The following ELMOD2 variants were observed in gnomAD, a reference collection of about 807,000 sequenced individuals.
ELMOD2 encodes the protein ELMO domain-containing protein 2.
A neutral mutation model predicts 41.0 loss-of-function variants in ELMOD2; 28 were observed. The observed-to-expected ratio is 0.68, with a 90% CI of 0.51 to 0.94. The LOEUF is 0.94. Among genes scored for constraint, ELMOD2 ranks in the 40% least tolerant of loss-of-function variants. The pLI is 0.00. For missense variants in ELMOD2, 333 were observed against 343.1 expected (o/e 0.97, Z 0.23); for synonymous variants, 106 against 107.2 (o/e 0.99, Z 0.07).
At chr4:140,533,948 A>G (rs1214745300) in intron 3 of ELMOD2, among the ~76,000 whole-genome samples, 2 of 152,116 alleles carry the variant, frequency 1.3e-5, no homozygotes, top group Non-Finnish European at 2.9e-5. Flanking sequence ...ACCTAAATGA[A>G]ATAGACGAAC....
chr4:140,526,605 A>G (rs946427685), intron 2 of ELMOD2: 6 of 152,312 alleles, frequency 3.9e-5, no homozygotes, highest in African/African-American at 1.4e-4. Flanking sequence ...TGGCAAATGG[A>G]ACCTGTATCC....
chr4:140,546,892 A>G (rs1735308051), intron 8 of ELMOD2, among the ~76,000 whole-genome samples: 1 of 152,148 alleles, frequency 6.6e-6, no homozygotes, highest in Non-Finnish European at 1.5e-5. Context: ...AGCTCAATCT[A>G]TAAGAGCTGT....
chr4:140,536,430 A>AGGAG (rs1734929387), intron 4 of ELMOD2, among the ~76,000 whole-genome samples: 1 of 152,216 alleles, frequency 6.6e-6, no homozygotes, highest in Non-Finnish European at 1.5e-5. Flanking sequence ...GGAACGGTCT[A>AGGAG]GGAGGGAACT....
chr4:140,537,586 A>T (rs745451353), intron 5 of ELMOD2, 45 bp downstream of exon 5: 1 of 1,586,832 alleles, frequency 6.3e-7, no homozygotes, highest in African/African-American at 1.4e-5. Context: ...ACGCTAGAAA[A>T]ATAAATCAGG....
intron 3 of ELMOD2, among the ~76,000 whole-genome samples, chr4:140,529,193 T>C (rs1560823805): frequency 6.6e-6 from 1 of 152,202 alleles, no homozygotes; most frequent in African/African-American, 2.4e-5. Context: ...CCGTTCCTGC[T>C]GGTGAGGGCA....
chr4:140,546,338 G>T (rs538540047), intron 8 of ELMOD2, among the ~76,000 whole-genome samples: 5 of 152,112 alleles, frequency 3.3e-5, no homozygotes, highest in Non-Finnish European at 5.9e-5. Context: ...GCCTGTTGTG[G>T]GGTTGGGGGA....
At chr4:140,546,760 T>C (rs1200243831) in intron 8 of ELMOD2, among the ~76,000 whole-genome samples, 2 of 152,104 alleles carry the variant, frequency 1.3e-5, no homozygotes, top group African/African-American at 4.8e-5. Context: ...TGAGGATCTG[T>C]GGGAACTGTT....
rs1735522199 is a variant in ELMOD2, at chr4:140,553,460, A to T, written c.*3085A>T. 1 of 152,170 alleles carries T rather than the reference A, an allele frequency of 6.6e-6. No individual in the cohort carries two copies. Among genetic ancestry groups the T allele is most frequent in the South Asian group, 2.1e-4 (1 of 4,834 alleles). The allele number at this position is 152,170 out of a possible 1,614,324, so 9.4% of individuals were successfully genotyped here. ...TTAATGAAGGTTAGTGGAATTGTTA[A>T]AAATCTGAGAGGAATGATGACTGGA... On this transcript the variant is annotated 3_prime_UTR_variant, in exon 9 of 9. Coordinates refer to ENST00000323570, the MANE Select transcript of ELMOD2 (RefSeq NM_153702.4).
At chr4:140,546,098 A>C (rs548005042) in intron 8 of ELMOD2, among the ~76,000 whole-genome samples, 1 of 152,310 alleles carries the variant, frequency 6.6e-6, no homozygotes, top group East Asian at 1.9e-4. Flanking sequence ...AATGTCCAAC[A>C]ATGATAGACT....
In ELMOD2 at chr4:140,537,401, A is replaced by G; in HGVS notation, c.270-11A>G. The G allele has an allele frequency of 1.3e-6, 2 of 1,488,566 alleles. No individual in the cohort carries two copies. The highest frequency in any genetic ancestry group is 1.4e-5 in the South Asian group (1 of 70,758). 92.2% of individuals were successfully genotyped at this position (1,488,566 alleles called of 1,614,324 possible). ...GGGTATGCTTTTTAAAAATAATTTTATCATTTTTAGTTTTAAAATATGCAT... is the reference window on the plus strand; with the variant it reads ...GGGTATGCTTTTTAAAAATAATTTTGTCATTTTTAGTTTTAAAATATGCAT... On this transcript the variant is annotated splice_polypyrimidine_tract_variant and intron_variant, in intron 4 of 8. Coordinates refer to ENST00000323570, the MANE Select transcript of ELMOD2 (RefSeq NM_153702.4).
chr4:140,538,733 T>TA (rs1452267495), intron 5 of ELMOD2, among the ~76,000 whole-genome samples: 1 of 152,220 alleles, frequency 6.6e-6, no homozygotes, highest in Non-Finnish European at 1.5e-5. Context: ...TCAGCAGTCT[T>TA]ACTGGGTGAA....
At chr4:140,533,827 CGTGT>C (rs143456040) in intron 3 of ELMOD2, among the ~76,000 whole-genome samples, 3 of 150,566 alleles carry the variant, frequency 2.0e-5, no homozygotes, top group Admixed American at 6.6e-5. Flanking sequence ...TGTATATATA[CGTGT>C]GTGTGTGTGT....
intron 2 of ELMOD2, 114 bp downstream of exon 2, chr4:140,525,684 T>C (rs1734541402): frequency 1.7e-6 from 2 of 1,184,558 alleles, no homozygotes; most frequent in African/African-American, 3.2e-5. Flanking sequence ...TTAAACTGAA[T>C]TTCATAAGCT....
intron 8 of ELMOD2, among the ~76,000 whole-genome samples, chr4:140,549,803 A>G (rs1209480802): frequency 1.4e-5 from 2 of 142,014 alleles, no homozygotes; most frequent in African/African-American, 5.2e-5. Flanking sequence ...CCTTTACCTC[A>G]GCCTCCCAAG....
chr4:140,545,718 A>AT (rs113738954), intron 8 of ELMOD2, among the ~76,000 whole-genome samples: 3,971 of 150,292 alleles, frequency 0.026, 181 homozygotes, highest in African/African-American at 0.09. Context: ...CTTGCCTCTA[A>AT]TTTTTTTTTT....
intron 3 of ELMOD2, among the ~76,000 whole-genome samples, chr4:140,533,922 T>C (rs959400073): frequency 1.1e-4 from 17 of 152,060 alleles, no homozygotes; most frequent in African/African-American, 4.1e-4. Flanking sequence ...GAGAAGACAC[T>C]ACATACCTAA....
At position 140,527,348 on chromosome 4, in the gene ELMOD2, T is replaced by C. The variant is rs1734597623; in HGVS notation, c.143-118T>C. 4 of 802,352 alleles carry C rather than the reference T, an allele frequency of 5.0e-6. No individual in the cohort carries two copies. In the South Asian group the frequency reaches 6.3e-5, roughly 13 times the overall value. The allele number at this position is 802,352 out of a possible 1,614,324, so 49.7% of individuals were successfully genotyped here. On this transcript the variant is annotated intron_variant, in intron 2 of 8. Coordinates refer to ENST00000323570, the MANE Select transcript of ELMOD2 (RefSeq NM_153702.4). ...AATGCTTCCTGTTATATAGAAATTA[T>C]ATCTCCTGGAACTATTAGTTTGTTA...
rs547797055 is a variant in ELMOD2, at chr4:140,546,852, A to G, written c.736+3266A>G. Among the ~76,000 whole-genome samples the G allele has an allele frequency of 4.6e-5, 7 of 152,266 alleles. No homozygotes were observed. In the East Asian group the frequency reaches 1.4e-3, roughly 29 times the overall value. ...GTGTAATATCTGAGGTAGAAAAGTC[A>G]TTGTAGAACCCTTTCAGTTGCCTCC... On this transcript the variant is annotated intron_variant, in intron 8 of 8. Coordinates refer to ENST00000323570, the MANE Select transcript of ELMOD2 (RefSeq NM_153702.4).
intron 4 of ELMOD2, among the ~76,000 whole-genome samples, chr4:140,536,669 T>C (rs1478048135): frequency 6.6e-6 from 1 of 152,210 alleles, no homozygotes; most frequent in East Asian, 1.9e-4. Flanking sequence ...CTGAAGGATG[T>C]AGATGTTGTC....
Sources: allele counts gnomAD v4.1 joint callset (sites outside exome capture counted in the v4.1 genomes callset), GRCh38; gene constraint gnomAD v4.1.1; transcripts MANE v1.5; gene names NCBI Gene and HGNC (gene_info 2026-07-23, HGNC 2026-07-21).